The following LGR6 variants were observed in gnomAD, a reference collection of about 807,000 sequenced individuals.
LGR6 encodes leucine-rich repeat-containing G protein-coupled receptor 6.
A neutral mutation model predicts 69.4 loss-of-function variants in LGR6; 45 were observed. That is an observed-to-expected ratio of 0.65 (90% CI 0.51 to 0.83). The LOEUF is 0.83. Among genes scored for constraint, LGR6 ranks in the 40% least tolerant of loss-of-function variants. The pLI, the probability that LGR6 is intolerant of heterozygous loss-of-function variation, is 0.00. For synonymous variants in LGR6, 538 were observed against 555.0 expected, an observed-to-expected ratio of 0.97 and a Z score of 0.43; for missense variants, 1,108 against 1,246.7, an observed-to-expected ratio of 0.89 and a Z score of 1.68.
Position 202,305,790 on chromosome 1 carries a change from G to C in LGR6, c.1136+41G>C, listed in dbSNP as rs775647385. On this transcript the variant is annotated intron_variant, in intron 12 of 17. Coordinates refer to ENST00000367278, the MANE Select transcript of LGR6 (RefSeq NM_001017403.2). ...GGAAGAGGCAAAAGCACGCCAGCCA[G>C]ACCCTGAGCAAGTCCTGTAGGGAGG... 1.9e-6 allele frequency: 3 copies of C among 1,564,806 alleles called. No individual in the cohort carries two copies. The South Asian group carries it at 3.3e-5, about 17-fold the overall frequency.
At chr1:202,253,060 G>T (rs540861854) in intron 4 of LGR6, among the ~76,000 whole-genome samples, 1 of 152,290 alleles carries the variant, frequency 6.6e-6, no homozygotes, top group African/African-American at 2.4e-5. Flanking sequence ...TCTACTTTTA[G>T]CTGGAAGGGT....
rs1265125155 is a variant in LGR6 at position 202,300,834 on chromosome 1, G to A, written c.786-15G>A. The A allele has an allele frequency of 6.3e-7, 1 of 1,596,450 alleles. No individual in the cohort carries two copies. The highest frequency in any genetic ancestry group is 1.1e-5 in the South Asian group (1 of 88,320). On this transcript the variant is annotated splice_polypyrimidine_tract_variant and intron_variant, in intron 7 of 17. Coordinates refer to ENST00000367278, the MANE Select transcript of LGR6 (RefSeq NM_001017403.2). ...TTTCTCCAAATCCTCACTGGTTCCT[G>A]GTGTTGTCTTCCAGGGGGTTCCATA... is the stretch of plus-strand genomic sequence containing the variant.
chr1:202,248,430 G>T (rs923222317), intron 4 of LGR6, among the ~76,000 whole-genome samples: 2 of 152,196 alleles, frequency 1.3e-5, no homozygotes, highest in Non-Finnish European at 2.9e-5. Context: ...AAGAGCAGTT[G>T]TTCTGGAATG....
chr1:202,303,829 T>A (rs1667782353), intron 10 of LGR6, among the ~76,000 whole-genome samples: 1 of 152,140 alleles, frequency 6.6e-6, no homozygotes, highest in Non-Finnish European at 1.5e-5. Context: ...AGAATGAGTG[T>A]CAGGAAGTCG....
intron 1 of LGR6, among the ~76,000 whole-genome samples, chr1:202,217,743 C>T (rs1323912404): frequency 1.3e-5 from 2 of 152,148 alleles, no homozygotes; most frequent in Non-Finnish European, 2.9e-5. Context: ...ATCACAAGCC[C>T]TCCTGCCACT....
At chr1:202,212,214 A>G (rs1191672226) in intron 1 of LGR6, among the ~76,000 whole-genome samples, 1 of 152,080 alleles carries the variant, frequency 6.6e-6, no homozygotes, top group Admixed American at 6.5e-5. Context: ...AGTAGATCCA[A>G]GGGAGTCTCA....
intron 3 of LGR6, among the ~76,000 whole-genome samples, chr1:202,230,804 A>G (rs946096325): frequency 5.9e-5 from 9 of 152,120 alleles, no homozygotes; most frequent in African/African-American, 1.2e-4. Context: ...CTCCCTCCTT[A>G]TGCCAGATTG....
Position 202,318,421 on chromosome 1 carries a change from C to T in LGR6, c.2118C>T (p.Ala706=). The change falls in exon 18 of 18, where the codon GCC becomes GCT. Residue 706 remains alanine (A), a synonymous_variant. Coordinates refer to ENST00000367278, the MANE Select transcript of LGR6 (RefSeq NM_001017403.2). ...LAGLAAALPL[A]SVGEYGASPL... ...GGCTGGCCGCCGCGCTGCCCCTGGC[C>T]TCAGTGGGAGAATACGGGGCCTCCC... is the stretch of plus-strand genomic sequence containing the variant. The T allele has an allele frequency of 6.2e-7, 1 of 1,610,566 alleles. No homozygotes were observed. The highest frequency in any genetic ancestry group is 1.7e-4 in the Middle Eastern group (1 of 6,042).
chr1:202,281,967 G>C (rs1666038472), intron 6 of LGR6, among the ~76,000 whole-genome samples: 1 of 152,164 alleles, frequency 6.6e-6, no homozygotes, highest in African/African-American at 2.4e-5. Context: ...ATTTGTGGTG[G>C]TGCAGGGAAA....
At chr1:202,194,281 C>T (rs1363661743) in intron 1 of LGR6, 80 bp downstream of exon 1, 3 of 1,029,654 alleles carry the variant, frequency 2.9e-6, no homozygotes, top group Admixed American at 5.9e-5. Flanking sequence ...AGGGCACCTG[C>T]TTGCTTGGTG....
At chr1:202,224,510 C>T (rs1329477300) in intron 1 of LGR6, among the ~76,000 whole-genome samples, 1 of 152,142 alleles carries the variant, frequency 6.6e-6, no homozygotes, top group Non-Finnish European at 1.5e-5. Flanking sequence ...CTATTTGGCA[C>T]CAGGGACCAG....
At chr1:202,289,329 A>G (rs139100899) in intron 6 of LGR6, among the ~76,000 whole-genome samples, 18 of 152,240 alleles carry the variant, frequency 1.2e-4, no homozygotes, top group Admixed American at 2.6e-4. Flanking sequence ...TGGATCCCCA[A>G]TTGGGCCGGA....
rs1162961412 is a variant in LGR6 at position 202,310,333 on chromosome 1, C to T, written c.1543C>T (p.Leu515Phe). The change falls in exon 16 of 18, where the codon CTT becomes TTT. Residue 515 changes from leucine (L) to phenylalanine (F), a missense_variant. Coordinates refer to ENST00000367278, the MANE Select transcript of LGR6 (RefSeq NM_001017403.2). ...EESSKRPLGL[L>F]ARQAENHYDQ... Reference sequence around the variant, plus strand: ...GTCTTCAAAAAGGCCCCTGGGCCTCCTTGCCAGACAAGCAGAGAACCACTG... The same window carrying T: ...GTCTTCAAAAAGGCCCCTGGGCCTCTTTGCCAGACAAGCAGAGAACCACTG... The T allele has an allele frequency of 6.8e-6, 11 of 1,613,734 alleles. No individual in the cohort carries two copies. Among genetic ancestry groups the T allele is most frequent in the Non-Finnish European group, 9.3e-6 (11 of 1,179,978 alleles).
chr1:202,222,317 T>G (rs919312061), intron 1 of LGR6, among the ~76,000 whole-genome samples: 4 of 152,196 alleles, frequency 2.6e-5, no homozygotes, highest in African/African-American at 9.6e-5. Context: ...TTTGTGTTGT[T>G]TTGGGGCAGG....
chr1:202,291,255 A>T (rs1021105953), intron 6 of LGR6, among the ~76,000 whole-genome samples: 3 of 152,192 alleles, frequency 2.0e-5, no homozygotes, highest in Non-Finnish European at 4.4e-5. Context: ...TCCCGGGAGC[A>T]GGAGACAGAA....
chr1:202,248,577 G>A (rs1056429309), intron 4 of LGR6, among the ~76,000 whole-genome samples: 2 of 152,196 alleles, frequency 1.3e-5, no homozygotes, highest in African/African-American at 4.8e-5. Context: ...GGAGGACTTT[G>A]AGGGTCCTGG....
At chr1:202,316,259 G>A (rs186934085) in intron 17 of LGR6, among the ~76,000 whole-genome samples, 1 of 152,132 alleles carries the variant, frequency 6.6e-6, no homozygotes, top group African/African-American at 2.4e-5. Flanking sequence ...TGTGATGAGG[G>A]CCTCAGGCTG....
chr1:202,288,424 C>T (rs2148210849), intron 6 of LGR6, among the ~76,000 whole-genome samples: 1 of 152,278 alleles, frequency 6.6e-6, no homozygotes, highest in African/African-American at 2.4e-5. Flanking sequence ...TGACCCAGTG[C>T]CAGGCACAGG....
At chr1:202,245,312 C>T (rs1042304803) in intron 4 of LGR6, among the ~76,000 whole-genome samples, 15 of 11,832 alleles carry the variant, frequency 1.3e-3, no homozygotes, top group Non-Finnish European at 2.5e-3. Context: ...GGTGGGTGGG[C>T]GGGTAGGCAG....
Sources: allele counts gnomAD v4.1 joint callset (sites outside exome capture counted in the v4.1 genomes callset), GRCh38; gene constraint gnomAD v4.1.1; transcripts MANE v1.5; gene names NCBI Gene and HGNC (gene_info 2026-07-23, HGNC 2026-07-21).